CTTNBP2: variants seen among roughly 807,000 people sequenced by gnomAD.
CTTNBP2 encodes cortactin binding protein 2, also known as cortactin-binding protein 2.
In CTTNBP2, 108 loss-of-function variants were observed where a neutral mutation model predicts 156.9. The observed-to-expected ratio is 0.69, with a 90% CI of 0.59 to 0.81. The LOEUF is 0.81. CTTNBP2 is among the 30% of genes least tolerant of loss of function. CTTNBP2 has a pLI of 0.00. For missense variants in CTTNBP2, 1,924 were observed against 2,035.4 expected, an observed-to-expected ratio of 0.95 and a Z score of 1.05; for synonymous variants, 767 against 751.8, an observed-to-expected ratio of 1.02 and a Z score of -0.33.
At chr7:117,871,852 A>ACACACACACACACACACACACACACAC (rs1804624910) in intron 1 of CTTNBP2, 1 of 660,190 alleles carries the variant, frequency 1.5e-6, no homozygotes, top group African/African-American at 2.5e-5. Flanking sequence ...CTTCACACAC[A>ACACACACACACACACACACACACACAC]CACACACACA....
At chr7:117,789,792 C>T (rs1266629676) in intron 4 of CTTNBP2, among the ~76,000 whole-genome samples, 1 of 152,120 alleles carries the variant, frequency 6.6e-6, no homozygotes, top group Non-Finnish European at 1.5e-5. Flanking sequence ...CCACCCTCCC[C>T]CATATGAGTA....
At chr7:117,871,958 G>T in intron 1 of CTTNBP2, 3 of 984,996 alleles carry the variant, frequency 3.0e-6, no homozygotes, top group Non-Finnish European at 3.6e-6. Context: ...AGAGAGCCTT[G>T]TCTCAATAGC....
At chr7:117,786,799 A>T (rs1798726147) in intron 4 of CTTNBP2, among the ~76,000 whole-genome samples, 1 of 152,196 alleles carries the variant, frequency 6.6e-6, no homozygotes, top group African/African-American at 2.4e-5. Context: ...ACTGCCTTAT[A>T]TGGAAATATT....
intron 3 of CTTNBP2, among the ~76,000 whole-genome samples, chr7:117,798,701 C>A (rs565907801): frequency 6.6e-6 from 1 of 151,746 alleles, no homozygotes; most frequent in East Asian, 1.9e-4. Flanking sequence ...CAAAGTAAAT[C>A]CAAAGTAGAA....
At chr7:117,722,000 A>G (rs969927265) in intron 19 of CTTNBP2, among the ~76,000 whole-genome samples, 3 of 152,246 alleles carry the variant, frequency 2.0e-5, no homozygotes, top group Non-Finnish European at 4.4e-5. Context: ...GGAAAAGTAA[A>G]TATATCCTCA....
intron 2 of CTTNBP2, among the ~76,000 whole-genome samples, chr7:117,836,327 G>A (rs1301072143): frequency 6.6e-6 from 1 of 152,222 alleles, no homozygotes; most frequent in African/African-American, 2.4e-5. Flanking sequence ...CACTTTGGGA[G>A]GCTGAGGTGG....
intron 9 of CTTNBP2, among the ~76,000 whole-genome samples, chr7:117,764,722 T>A (rs1228380366): frequency 6.6e-6 from 1 of 152,242 alleles, no homozygotes; most frequent in Non-Finnish European, 1.5e-5. Context: ...GTTTATTCTA[T>A]TTATCCATTT....
chr7:117,844,731 C>T (rs1802485409), intron 2 of CTTNBP2, among the ~76,000 whole-genome samples: 1 of 152,034 alleles, frequency 6.6e-6, no homozygotes, highest in Admixed American at 6.6e-5. Context: ...GCACAATAAC[C>T]AGCTGGACTC....
At position 117,835,659 on chromosome 7, in the gene CTTNBP2, T is replaced by C. The variant is rs566970754; in HGVS notation, c.190-24670A>G. Among the ~76,000 whole-genome samples, 3 of 152,386 alleles carry C rather than the reference T, an allele frequency of 2.0e-5. No homozygotes were observed. In the South Asian group the frequency reaches 6.2e-4, roughly 32 times the overall value. Reference sequence around the variant, plus strand: ...ATTTGAGAATCATTCTTTGCTCAATTGAATTGTTAAATTTAATTTGTTTAA... The same window carrying C: ...ATTTGAGAATCATTCTTTGCTCAATCGAATTGTTAAATTTAATTTGTTTAA... On this transcript the variant is annotated intron_variant, in intron 2 of 22. Transcript: ENST00000160373.
At chr7:117,790,668 T>C (rs1798943545) in intron 4 of CTTNBP2, among the ~76,000 whole-genome samples, 1 of 151,420 alleles carries the variant, frequency 6.6e-6, no homozygotes, top group African/African-American at 2.4e-5. Context: ...GGAACAAATC[T>C]AGTCAATTTG....
intron 10 of CTTNBP2, among the ~76,000 whole-genome samples, chr7:117,759,733 T>C (rs1245190116): frequency 6.6e-6 from 1 of 152,182 alleles, no homozygotes; most frequent in Non-Finnish European, 1.5e-5. Flanking sequence ...TACGGAGTTA[T>C]CTGTAAAATG....
chr7:117,827,076 C>T (rs935937357), intron 2 of CTTNBP2, among the ~76,000 whole-genome samples: 6 of 152,082 alleles, frequency 3.9e-5, no homozygotes, highest in Non-Finnish European at 8.8e-5. Flanking sequence ...GCAGGCTGGT[C>T]TCAAACTCCT....
intron 2 of CTTNBP2, among the ~76,000 whole-genome samples, chr7:117,836,527 C>T (rs920238640): frequency 2.6e-5 from 4 of 152,204 alleles, no homozygotes; most frequent in Non-Finnish European, 4.4e-5. Context: ...CGCGCCACTG[C>T]ACTCCAGCCT....
intron 10 of CTTNBP2, among the ~76,000 whole-genome samples, chr7:117,759,387 T>C (rs963712040): frequency 1.3e-5 from 2 of 152,206 alleles, no homozygotes; most frequent in Non-Finnish European, 2.9e-5. Context: ...ACTTGGATTA[T>C]AGGTATAAGC....
At chr7:117,829,968 G>T (rs1167006997) in intron 2 of CTTNBP2, among the ~76,000 whole-genome samples, 1 of 152,158 alleles carries the variant, frequency 6.6e-6, no homozygotes, top group East Asian at 1.9e-4. Flanking sequence ...AGCTGTGTTT[G>T]AGAAAGATAA....
At chr7:117,781,390 T>C (rs1798425618) in intron 6 of CTTNBP2, among the ~76,000 whole-genome samples, 1 of 152,254 alleles carries the variant, frequency 6.6e-6, no homozygotes, top group Non-Finnish European at 1.5e-5. Context: ...ATCTGATTTA[T>C]ACATTTTTTT....
At chr7:117,721,343 G>A (rs898351163) in intron 19 of CTTNBP2, among the ~76,000 whole-genome samples, 2 of 152,188 alleles carry the variant, frequency 1.3e-5, no homozygotes, top group African/African-American at 2.4e-5. Context: ...CAACTCCCTC[G>A]AGTACATTTT....
rs546196481 is a variant in CTTNBP2, at chr7:117,805,974, G to A, written c.414+4791C>T. On this transcript the variant is annotated intron_variant, in intron 3 of 22. Transcript: ENST00000160373. Reference sequence around the variant, plus strand: ...ACAAATTTTAAAGAGATGATCAGATGGCAGGACCACATACTAAGTTAAAAA... The same window carrying A: ...ACAAATTTTAAAGAGATGATCAGATAGCAGGACCACATACTAAGTTAAAAA... Among the ~76,000 whole-genome samples, 5 of 152,232 alleles carry A rather than the reference G, an allele frequency of 3.3e-5. No homozygotes were observed. In the South Asian group the frequency reaches 8.3e-4, roughly 25 times the overall value.
At chr7:117,857,988 T>C (rs758239048) in intron 2 of CTTNBP2, among the ~76,000 whole-genome samples, 14 of 152,340 alleles carry the variant, frequency 9.2e-5, no homozygotes, top group South Asian at 2.1e-4. Flanking sequence ...ACCACAGGTA[T>C]GTGAAGACGA....
Sources: gnomAD v4.1 joint callset for allele counts (sites outside exome capture counted in the v4.1 genomes callset) on GRCh38, gnomAD v4.1.1 for gene constraint, MANE v1.5 for transcripts, NCBI Gene and HGNC (gene_info 2026-07-23, HGNC 2026-07-21) for gene names.